The following TUSC3 variants were observed in gnomAD, a reference collection of about 807,000 sequenced individuals.
The protein encoded by TUSC3 is dolichyl-diphosphooligosaccharide--protein glycosyltransferase subunit TUSC3.
Under a neutral mutation model 44.8 loss-of-function variants are expected in TUSC3, and 45 were observed. The ratio of observed to expected loss-of-function variants is 1.00; its 90% CI spans 0.79 to 1.29. The LOEUF (loss-of-function observed/expected upper bound fraction) is 1.29. Among genes scored for constraint, TUSC3 ranks in the 50% most tolerant of loss-of-function variants. The pLI, the probability that TUSC3 is intolerant of heterozygous loss-of-function variation, is 0.00. For missense variants in TUSC3, 519 were observed against 437.9 expected, an observed-to-expected ratio of 1.19 and a Z score of -1.65; for synonymous variants, 212 against 152.9, an observed-to-expected ratio of 1.39 and a Z score of -2.85.
At chr8:15,663,649 T>A (rs997009122) in intron 5 of TUSC3, among the ~76,000 whole-genome samples, 4 of 151,856 alleles carry the variant, frequency 2.6e-5, no homozygotes, top group South Asian at 4.1e-4. Context: ...GAAGATAAGA[T>A]TTTTTTAAAG....
chr8:15,758,902 C>CAATA (rs760301425), intron 10 of TUSC3, among the ~76,000 whole-genome samples: 2 of 152,092 alleles, frequency 1.3e-5, no homozygotes, highest in Non-Finnish European at 2.9e-5. Flanking sequence ...TTCCTACTCT[C>CAATA]AATAAAGGCC....
chr8:15,780,321 G>C, the TUSC3 span, among the ~76,000 whole-genome samples: 1 of 152,140 alleles, frequency 6.6e-6, no homozygotes, highest in Non-Finnish European at 1.5e-5. Context: ...ACATACAGCT[G>C]TTCCCTGAGG....
At chr8:15,524,011 G>A (rs2129129923) in intron 2 of TUSC3, among the ~76,000 whole-genome samples, 1 of 148,322 alleles carries the variant, frequency 6.7e-6, no homozygotes, top group African/African-American at 2.5e-5. Flanking sequence ...ACCTGAGATT[G>A]CGCCACTGCA....
intron 2 of TUSC3, among the ~76,000 whole-genome samples, chr8:15,490,837 A>G (rs1270672475): frequency 6.6e-6 from 1 of 152,240 alleles, no homozygotes; most frequent in Non-Finnish European, 1.5e-5. Flanking sequence ...TAAATCAAAG[A>G]AAATCACTGA....
intron 1 of TUSC3, among the ~76,000 whole-genome samples, chr8:15,427,495 C>T (rs1353909991): frequency 6.6e-6 from 1 of 152,160 alleles, no homozygotes; most frequent in African/African-American, 2.4e-5. Context: ...AGAGAGCTAA[C>T]ACCAGATGCC....
the TUSC3 span, among the ~76,000 whole-genome samples, chr8:15,833,250 C>A: frequency 3.9e-5 from 6 of 152,106 alleles, no homozygotes; most frequent in Non-Finnish European, 8.8e-5. Flanking sequence ...AACATTTATA[C>A]GCTGTTGATG....
chr8:15,709,543 C>G (rs777199307), intron 6 of TUSC3, among the ~76,000 whole-genome samples: 3 of 151,794 alleles, frequency 2.0e-5, no homozygotes, highest in Non-Finnish European at 4.4e-5. Context: ...AGATGAAGCT[C>G]CCATTGAGCC....
intron 2 of TUSC3, among the ~76,000 whole-genome samples, chr8:15,504,490 C>T (rs1289812430): frequency 6.7e-6 from 1 of 148,866 alleles, no homozygotes; most frequent in East Asian, 2.0e-4. Context: ...ATTTCTACTA[C>T]TGCCATATTA....
the TUSC3 span, among the ~76,000 whole-genome samples, chr8:15,821,841 GACTAACACCATCAAAGTGCA>G: frequency 6.6e-6 from 1 of 152,042 alleles, no homozygotes; most frequent in East Asian, 1.9e-4. Flanking sequence ...GGATTTTGTG[GACTAACACCATCAAAGTGCA>G]ACTAAATTCC....
chr8:15,835,802 T>C, the TUSC3 span, among the ~76,000 whole-genome samples: 18 of 152,112 alleles, frequency 1.2e-4, no homozygotes, highest in Non-Finnish European at 2.4e-4. Context: ...TAATTATGTG[T>C]TTAGGTTTTA....
the TUSC3 span, among the ~76,000 whole-genome samples, chr8:15,810,907 T>G: frequency 6.6e-6 from 1 of 152,098 alleles, no homozygotes; most frequent in Non-Finnish European, 1.5e-5. Flanking sequence ...ACAGGACCGC[T>G]GACACCAGGG....
intron 2 of TUSC3, among the ~76,000 whole-genome samples, chr8:15,509,175 T>C (rs1801099283): frequency 6.6e-6 from 1 of 152,226 alleles, no homozygotes; most frequent in Non-Finnish European, 1.5e-5. Context: ...CACATTGTTT[T>C]CCAACAACAG....
intron 2 of TUSC3, among the ~76,000 whole-genome samples, chr8:15,491,921 A>T (rs1800814459): frequency 6.6e-6 from 1 of 152,170 alleles, no homozygotes; most frequent in African/African-American, 2.4e-5. Context: ...TACTTTATAT[A>T]TTTACAACTT....
chr8:15,543,375 G>GT (rs1156264842), intron 1 of TUSC3, among the ~76,000 whole-genome samples: 2 of 152,140 alleles, frequency 1.3e-5, no homozygotes, highest in African/African-American at 4.8e-5. Flanking sequence ...TTTAAAGGAA[G>GT]TAATATTTAG....
chr8:15,831,309 C>T, the TUSC3 span, among the ~76,000 whole-genome samples: 2 of 152,160 alleles, frequency 1.3e-5, no homozygotes, highest in African/African-American at 4.8e-5. Context: ...CAAAGGTCAT[C>T]AACTTCAAAC....
the TUSC3 span, among the ~76,000 whole-genome samples, chr8:15,823,227 C>T: frequency 6.6e-6 from 1 of 152,140 alleles, no homozygotes; most frequent in Non-Finnish European, 1.5e-5. Context: ...CGGAGCGCTA[C>T]CCAAAAGCCT....
chr8:15,592,244 T>C (rs1803874489), intron 1 of TUSC3, among the ~76,000 whole-genome samples: 1 of 152,270 alleles, frequency 6.6e-6, no homozygotes, highest in Non-Finnish European at 1.5e-5. Context: ...TAAATTTTCC[T>C]ATTCATTTAA....
At chr8:15,691,084 T>A (rs891635669) in intron 6 of TUSC3, among the ~76,000 whole-genome samples, 1 of 151,870 alleles carries the variant, frequency 6.6e-6, no homozygotes, top group African/African-American at 2.4e-5. Flanking sequence ...AATTTGTGGA[T>A]TGCTTTGGGC....
At chr8:15,478,270 T>A (rs1351427354) in intron 1 of TUSC3, among the ~76,000 whole-genome samples, 1 of 152,172 alleles carries the variant, frequency 6.6e-6, no homozygotes, top group Non-Finnish European at 1.5e-5. Flanking sequence ...CTGGCCTTTT[T>A]AAAATTTTAT....
Sources: allele counts gnomAD v4.1 joint callset (sites outside exome capture counted in the v4.1 genomes callset), GRCh38; gene constraint gnomAD v4.1.1; transcripts MANE v1.5; gene names NCBI Gene and HGNC (gene_info 2026-07-23, HGNC 2026-07-21).